The following TTC28 variants were observed in gnomAD, a reference collection of about 807,000 sequenced individuals.
TTC28 encodes tetratricopeptide repeat domain 28.
TTC28 carries 61 observed loss-of-function variants against 198.0 expected under a neutral mutation model. The ratio of observed to expected loss-of-function variants is 0.31; its 90% CI spans 0.25 to 0.38. TTC28 has a LOEUF of 0.38. TTC28 is among the 10% of genes least tolerant of loss of function. The pLI, the probability that TTC28 is intolerant of heterozygous loss-of-function variation, is 1.00. For synonymous variants in TTC28, 1,171 were observed against 1,297.8 expected (o/e 0.90, Z 2.10); for missense variants, 2,678 against 3,164.0 (o/e 0.85, Z 3.69).
chr22:28,025,955 A>T (rs987886308), intron 13 of TTC28, among the ~76,000 whole-genome samples: 6 of 152,176 alleles, frequency 3.9e-5, no homozygotes, highest in Non-Finnish European at 7.3e-5. Context: ...CTTACCGGCC[A>T]GGCTGGCCTT....
intron 6 of TTC28, among the ~76,000 whole-genome samples, chr22:28,129,345 T>C (rs947952609): frequency 2.0e-5 from 3 of 152,194 alleles, no homozygotes; most frequent in Admixed American, 1.3e-4. Context: ...AATCCGAATC[T>C]CTGAGAGTGG....
Position 27,998,643 on chromosome 22 carries a change from G to C in TTC28, c.5016C>G (p.Phe1672Leu). Residue 1672 changes from phenylalanine to leucine, a missense_variant, in exon 16 of 23, where the codon TTC (phenylalanine) becomes TTG (leucine). By Grantham distance (22) the Phe-to-Leu change is conservative (BLOSUM62 0). Coordinates refer to ENST00000397906, the MANE Select transcript of TTC28 (RefSeq NM_001145418.2). The stretch of plus-strand genomic sequence containing the variant: ...TCAGGCCGTTCAGCAGGGATGAGTA[G>C]AAGGCATGGATGAACATCTTAGAAG... Reference protein sequence around the residue: ...VAASKMFIHAFYSSLLNGLKA... With the variant: ...VAASKMFIHALYSSLLNGLKA... 1 of 1,550,884 alleles carries C rather than the reference G, an allele frequency of 6.4e-7. No homozygotes were observed. Among genetic ancestry groups the C allele is most frequent in the Middle Eastern group, 1.7e-4 (1 of 5,992 alleles).
chr22:28,207,590 A>G (rs957256742), intron 5 of TTC28, among the ~76,000 whole-genome samples: 2 of 152,206 alleles, frequency 1.3e-5, no homozygotes, highest in Non-Finnish European at 2.9e-5. Context: ...TGGAGTACCC[A>G]GAACATAGTA....
At chr22:28,322,026 T>C (rs185115408) in intron 2 of TTC28, among the ~76,000 whole-genome samples, 2 of 152,210 alleles carry the variant, frequency 1.3e-5, no homozygotes, top group East Asian at 3.9e-4. Flanking sequence ...GAGACAGGGT[T>C]TCACCATATT....
chr22:28,454,810 T>C (rs2047833809), intron 2 of TTC28, among the ~76,000 whole-genome samples: 1 of 152,100 alleles, frequency 6.6e-6, no homozygotes, highest in African/African-American at 2.4e-5. Flanking sequence ...TGTCAAAACA[T>C]GAAAATGAAA....
intron 5 of TTC28, among the ~76,000 whole-genome samples, chr22:28,190,104 C>T (rs977942421): frequency 1.3e-5 from 2 of 152,208 alleles, no homozygotes; most frequent in Admixed American, 6.5e-5. Context: ...GGTCACACAG[C>T]TGAAAGGTGT....
At chr22:28,578,778 A>G (rs1231455672) in intron 2 of TTC28, among the ~76,000 whole-genome samples, 1 of 152,108 alleles carries the variant, frequency 6.6e-6, no homozygotes, top group African/African-American at 2.4e-5. Context: ...CTTTACATTG[A>G]AACTCAGTGC....
intron 6 of TTC28, among the ~76,000 whole-genome samples, chr22:28,117,516 C>A (rs1942663671): frequency 6.6e-6 from 1 of 152,152 alleles, no homozygotes; most frequent in Non-Finnish European, 1.5e-5. Context: ...TCTGGATGCT[C>A]TAAATTCTAG....
chr22:28,016,656 C>T (rs1013238194), intron 13 of TTC28, among the ~76,000 whole-genome samples: 1 of 152,192 alleles, frequency 6.6e-6, no homozygotes, highest in African/African-American at 2.4e-5. Flanking sequence ...GCCCAAGGTC[C>T]TCAAGATGAC....
At chr22:28,301,696 T>C (rs748963055) in intron 3 of TTC28, among the ~76,000 whole-genome samples, 2 of 152,168 alleles carry the variant, frequency 1.3e-5, no homozygotes, top group African/African-American at 2.4e-5. Context: ...TCGGAAAACA[T>C]AAAATAAAAA....
intron 2 of TTC28, among the ~76,000 whole-genome samples, chr22:28,437,167 C>A (rs1186496190): frequency 6.6e-6 from 1 of 152,114 alleles, no homozygotes; most frequent in Non-Finnish European, 1.5e-5. Context: ...ACTGCAACCT[C>A]TGCCTCCTGG....
intron 1 of TTC28, among the ~76,000 whole-genome samples, chr22:28,675,189 T>C (rs777205935): frequency 6.6e-6 from 1 of 152,152 alleles, no homozygotes; most frequent in Non-Finnish European, 1.5e-5. Flanking sequence ...TGTATCTATA[T>C]ACAAAATAAT....
intron 1 of TTC28, among the ~76,000 whole-genome samples, chr22:28,642,433 TA>T (rs113272911): frequency 1.9e-4 from 27 of 141,336 alleles, no homozygotes; most frequent in South Asian, 2.2e-4. Flanking sequence ...GTTTGCCGTT[TA>T]AAAAAAAAAA....
At chr22:28,034,280 G>A (rs967621440) in intron 12 of TTC28, among the ~76,000 whole-genome samples, 1 of 152,136 alleles carries the variant, frequency 6.6e-6, no homozygotes, top group Non-Finnish European at 1.5e-5. Flanking sequence ...TGGAAAAGGA[G>A]GGCACTCCTG....
At chr22:28,600,502 T>C (rs1272971762) in intron 2 of TTC28, among the ~76,000 whole-genome samples, 1 of 152,160 alleles carries the variant, frequency 6.6e-6, no homozygotes, top group Non-Finnish European at 1.5e-5. Context: ...AAAGTAAGTG[T>C]AAAAACAGAA....
chr22:28,498,300 A>G (rs963507564), intron 2 of TTC28, among the ~76,000 whole-genome samples: 7 of 152,354 alleles, frequency 4.6e-5, no homozygotes, highest in African/African-American at 1.7e-4. Flanking sequence ...GTTAGCAGCT[A>G]TGAATACAGC....
At chr22:28,140,323 C>T (rs1181235805) in intron 6 of TTC28, among the ~76,000 whole-genome samples, 1 of 152,202 alleles carries the variant, frequency 6.6e-6, no homozygotes, top group Non-Finnish European at 1.5e-5. Flanking sequence ...GGCTGATGTG[C>T]CTCTGAATCT....
intron 5 of TTC28, among the ~76,000 whole-genome samples, chr22:28,249,683 G>A (rs1040469399): frequency 1.3e-5 from 2 of 151,922 alleles, no homozygotes; most frequent in African/African-American, 2.4e-5. Context: ...ACTTCCCCCT[G>A]AGGCAGGGTT....
intron 2 of TTC28, among the ~76,000 whole-genome samples, chr22:28,392,488 A>AGGGAGACTCCGTGGGCGT (rs1437785532): frequency 2.0e-5 from 3 of 152,216 alleles, no homozygotes; most frequent in Non-Finnish European, 2.9e-5. Context: ...GCTAGCAATC[A>AGGGAGACTCCGTGGGCGT]GGGAGACTCC....
Sources: allele counts gnomAD v4.1 joint callset (sites outside exome capture counted in the v4.1 genomes callset), GRCh38; gene constraint gnomAD v4.1.1; transcripts MANE v1.5; gene names NCBI Gene and HGNC (gene_info 2026-07-23, HGNC 2026-07-21).